Variants in SRCIN1 observed in about 807,000 individuals in gnomAD.
SRCIN1 encodes P130Cas-associated protein.
SRCIN1 carries 50 observed loss-of-function variants against 116.2 expected under a neutral mutation model. The observed-to-expected ratio is 0.43, with a 90% CI of 0.34 to 0.54. The LOEUF is 0.54. SRCIN1 is among the 20% of genes least tolerant of loss of function. The pLI, the probability that SRCIN1 is intolerant of heterozygous loss-of-function variation, is 0.02. For missense variants in SRCIN1, 1,446 were observed against 1,672.0 expected (o/e 0.86, Z 2.36); for synonymous variants, 736 against 750.0 (o/e 0.98, Z 0.30).
intron 1 of SRCIN1, 117 bp downstream of exon 1, chr17:38,605,567 T>TC: frequency 1.4e-6 from 1 of 735,712 alleles, no homozygotes; most frequent in South Asian, 2.2e-5. Context: ...GGCCACCGCC[T>TC]CCCCGGCCCG....
intron 1 of SRCIN1, among the ~76,000 whole-genome samples, chr17:38,596,463 G>A (rs1467161583): frequency 3.3e-5 from 5 of 152,136 alleles, no homozygotes; most frequent in Admixed American, 3.3e-4. Flanking sequence ...CCCAGAACTG[G>A]GTTCCCAGGA....
rs2143474231 is a variant in SRCIN1 at position 38,602,372 on chromosome 17, T to A, written c.22+3312A>T. The A allele has an allele frequency of 6.6e-6, 1 of 152,300 alleles. No homozygotes were observed. Among genetic ancestry groups the A allele is most frequent in the South Asian group, 2.1e-4 (1 of 4,826 alleles). The allele number at this position is 152,300 out of a possible 1,614,324, so 9.4% of individuals were successfully genotyped here. A position where few individuals can be genotyped will look rare whatever the true frequency, so the allele number is the denominator to read the frequency against. ...GCTCGAATGGGCCCTAGGAAGCCAG[T>A]GAGGGATTCTTCAAAGAGCATCTGA... is the stretch of plus-strand genomic sequence containing the variant. On this transcript the variant is annotated intron_variant, in intron 1 of 18. Coordinates refer to ENST00000617146, the MANE Select transcript of SRCIN1 (RefSeq NM_025248.3). This position sits in a 1 kb window ranked among gnomAD's most constrained non-coding sequence, Gnocchi z 4.2.
At position 38,563,980 on chromosome 17, in the gene SRCIN1, T is replaced by C; in HGVS notation, c.541+138A>G. ...GAGAGATGGAGAGAGCTGGGGTTGC[T>C]TGGGGAGAAGGGGCTGTGGGAAAGA... On this transcript the variant is annotated intron_variant, in intron 4 of 18. Transcript: ENST00000617146. The surrounding 1 kb of genome is among the most constrained non-coding windows in gnomAD (Gnocchi z 5.8). 2 of 983,550 alleles carry C rather than the reference T, an allele frequency of 2.0e-6. No homozygotes were observed. Among genetic ancestry groups the C allele is most frequent in the South Asian group, 1.6e-5 (1 of 63,508 alleles). The allele number at this position is 983,550 out of a possible 1,614,324, so 60.9% of individuals were successfully genotyped here.
chr17:38,564,443 A>C (rs1906546875), intron 3 of SRCIN1, 130 bp from the exon 4 acceptor site: 3 of 973,636 alleles, frequency 3.1e-6, no homozygotes, highest in Admixed American at 5.6e-5. Flanking sequence ...ACAGACTCCC[A>C]CACAGATTAC....
intron 2 of SRCIN1, among the ~76,000 whole-genome samples, chr17:38,570,633 G>A (rs889403886): frequency 4.6e-5 from 7 of 152,240 alleles, no homozygotes; most frequent in African/African-American, 9.6e-5. Context: ...TACCTTGTTC[G>A]GATGACTGAG....
At position 38,533,002 on chromosome 17, in the gene SRCIN1, T is replaced by C. The variant is rs981941994; in HGVS notation, c.*295A>G. On this transcript the variant is annotated 3_prime_UTR_variant, in exon 19 of 19. Coordinates refer to ENST00000617146, the MANE Select transcript of SRCIN1 (RefSeq NM_025248.3). ...AGAGAAGAAGGAGAGATGTGACAGG[T>C]GCGGCCAGCGAGAGGCCAGCTGGGA... 11 of 223,438 alleles carry C rather than the reference T, an allele frequency of 4.9e-5. No homozygotes were observed. The highest frequency in any genetic ancestry group is 2.6e-4 in the African/African-American group (11 of 42,006). The allele number at this position is 223,438 out of a possible 1,614,324, so 13.8% of individuals were successfully genotyped here.
At chr17:38,533,453 G>C in intron 18 of SRCIN1, 22 bp from the exon 19 acceptor site, 1 of 1,610,954 alleles carries the variant, frequency 6.2e-7, no homozygotes, top group Non-Finnish European at 8.5e-7. Context: ...ACAGGGGTCA[G>C]GGGTCAGAGA....
chr17:38,587,611 C>T (rs1332771910), intron 1 of SRCIN1, among the ~76,000 whole-genome samples: 8 of 152,072 alleles, frequency 5.3e-5, no homozygotes, highest in Admixed American at 3.9e-4. Flanking sequence ...TTCCATTCCA[C>T]GATGCCACTT....
intron 1 of SRCIN1, among the ~76,000 whole-genome samples, chr17:38,598,830 G>T (rs536218879): frequency 1.3e-5 from 2 of 152,152 alleles, no homozygotes; most frequent in Non-Finnish European, 2.9e-5. Flanking sequence ...ATGGAGTGTG[G>T]CAAAGCCAGT....
At chr17:38,570,928 T>G (rs1279765220) in intron 2 of SRCIN1, among the ~76,000 whole-genome samples, 4 of 152,252 alleles carry the variant, frequency 2.6e-5, no homozygotes, top group Non-Finnish European at 5.9e-5. Context: ...AATCTGGAAC[T>G]TCAGGCTCTG....
chr17:38,559,920 G>T (rs574730487), intron 9 of SRCIN1, 134 bp downstream of exon 9: 2 of 1,348,736 alleles, frequency 1.5e-6, no homozygotes, highest in Non-Finnish European at 2.1e-6. Context: ...CAGCCCTAAC[G>T]GTGGGGACCA....
Position 38,560,102 on chromosome 17 carries a change from G to A in SRCIN1, c.1794-5C>T. On this transcript the variant is annotated splice_polypyrimidine_tract_variant and splice_region_variant and intron_variant, in intron 8 of 18. Transcript: ENST00000617146. Reference sequence around the variant, plus strand: ...TTGGAGCCTTCAATCTTCTCGCTGTGGCACAGGGAAAAAAGCCATCAGGGG... The same window carrying A: ...TTGGAGCCTTCAATCTTCTCGCTGTAGCACAGGGAAAAAAGCCATCAGGGG... 1 of 1,547,578 alleles carries A rather than the reference G, an allele frequency of 6.5e-7. No individual in the cohort carries two copies. The highest frequency in any genetic ancestry group is 8.7e-7 in the Non-Finnish European group (1 of 1,145,814).
chr17:38,558,670 TTAAAATGGGCCATGCAAAGGGGGAGCTG>T lies in SRCIN1; in HGVS notation c.2026-296_2026-269del. On this transcript the variant is annotated intron_variant, in intron 10 of 18. Transcript: ENST00000617146. This position sits in a 1 kb window ranked among gnomAD's most constrained non-coding sequence, Gnocchi z 4.6. ...GATGGGGATCGTGGAGAGGGGAGCG[TTAAAATGGGCCATGCAAAGGGGGAGCTG>T]CATGGCTGTGGCCGCGAGCAGGGGT... Among the ~76,000 whole-genome samples the T allele has an allele frequency of 1.3e-5, 2 of 151,224 alleles. No individual in the cohort carries two copies. Among genetic ancestry groups the T allele is most frequent in the African/African-American group, 4.9e-5 (2 of 41,028 alleles).
At chr17:38,541,166 G>A (rs1904715811) in intron 18 of SRCIN1, 1 of 151,990 alleles carries the variant, frequency 6.6e-6, no homozygotes, top group Admixed American at 6.6e-5. Flanking sequence ...TTGAACCCAG[G>A]AGGCAGAGGT....
At chr17:38,595,556 C>T (rs1908681522) in intron 1 of SRCIN1, among the ~76,000 whole-genome samples, 1 of 152,206 alleles carries the variant, frequency 6.6e-6, no homozygotes, top group African/African-American at 2.4e-5. Flanking sequence ...AATAGATAAA[C>T]AAGCAAACAA....
chr17:38,550,512 A>G (rs188007887), intron 15 of SRCIN1, among the ~76,000 whole-genome samples: 1 of 151,984 alleles, frequency 6.6e-6, no homozygotes, highest in Non-Finnish European at 1.5e-5. Flanking sequence ...TAAATAAATA[A>G]AAAATAAAAA....
intron 18 of SRCIN1, among the ~76,000 whole-genome samples, chr17:38,535,673 T>C (rs1468317027): frequency 1.3e-5 from 2 of 152,082 alleles, no homozygotes; most frequent in African/African-American, 4.8e-5. Context: ...GGAGACAAAC[T>C]CATCCAACGG....
At chr17:38,571,837 TG>T (rs1048507427) in intron 2 of SRCIN1, among the ~76,000 whole-genome samples, 9 of 152,152 alleles carry the variant, frequency 5.9e-5, no homozygotes, top group African/African-American at 2.2e-4. Context: ...CTCAAACTCC[TG>T]GTGAGAAGAG....
intron 1 of SRCIN1, among the ~76,000 whole-genome samples, chr17:38,587,523 G>A (rs775658674): frequency 8.5e-5 from 13 of 152,104 alleles, no homozygotes; most frequent in Non-Finnish European, 1.8e-4. Context: ...CAGAGTACAA[G>A]CCTGACCCAA....
Sources: allele counts gnomAD v4.1 joint callset (sites outside exome capture counted in the v4.1 genomes callset), GRCh38; gene constraint gnomAD v4.1.1; non-coding constraint Gnocchi (gnomAD v3.1); transcripts MANE v1.5; gene names NCBI Gene and HGNC (gene_info 2026-07-23, HGNC 2026-07-21).